EPM2A: variants seen among roughly 807,000 people sequenced by gnomAD.
EPM2A encodes laforin.
In EPM2A, 21 loss-of-function variants were observed where a neutral mutation model predicts 26.5. That is an observed-to-expected ratio of 0.79 (90% CI 0.56 to 1.14). The LOEUF is 1.14. Among genes scored for constraint, EPM2A ranks in the 50% most tolerant of loss-of-function variants. EPM2A has a pLI of 0.00. For missense variants in EPM2A, 458 were observed against 440.8 expected, an observed-to-expected ratio of 1.04 and a Z score of -0.35; for synonymous variants, 217 against 177.6, an observed-to-expected ratio of 1.22 and a Z score of -1.76.
At chr6:145,583,389 T>C (rs1287464056) in intron 2 of EPM2A, among the ~76,000 whole-genome samples, 1 of 152,178 alleles carries the variant, frequency 6.6e-6, no homozygotes, top group Non-Finnish European at 1.5e-5. Context: ...ATGGGTTCAG[T>C]CAACTGGCTT....
intron 1 of EPM2A, among the ~76,000 whole-genome samples, chr6:145,717,317 G>A (rs535540671): frequency 5.3e-5 from 8 of 152,200 alleles, no homozygotes; most frequent in Admixed American, 2.6e-4. Flanking sequence ...TTCAATATAC[G>A]CAAATCAGTA....
At chr6:145,725,292 T>A (rs182830286) in intron 1 of EPM2A, among the ~76,000 whole-genome samples, 104 of 152,168 alleles carry the variant, frequency 6.8e-4, no homozygotes, top group African/African-American at 2.4e-3. Flanking sequence ...ACTAACAACA[T>A]CGACACTGAT....
At chr6:145,689,977 C>A (rs1486761216) in intron 1 of EPM2A, among the ~76,000 whole-genome samples, 1 of 152,158 alleles carries the variant, frequency 6.6e-6, no homozygotes, top group Non-Finnish European at 1.5e-5. Context: ...CTCCTTCCCA[C>A]CCGACCATCA....
chr6:145,685,410 G>C (rs113111846), intron 2 of EPM2A, among the ~76,000 whole-genome samples: 2 of 152,266 alleles, frequency 1.3e-5, no homozygotes, highest in African/African-American at 4.8e-5. Context: ...GGAGTGGGGA[G>C]AGAGGACAAG....
chr6:145,690,353 A>G (rs1781197053), intron 1 of EPM2A, among the ~76,000 whole-genome samples: 1 of 151,638 alleles, frequency 6.6e-6, no homozygotes, highest in Non-Finnish European at 1.5e-5. Context: ...TACTAAAAAT[A>G]CAAAAAATTA....
Position 145,725,188 on chromosome 6 carries a change from T to A in EPM2A, c.301+10010A>T, listed in dbSNP as rs114944111. The stretch of plus-strand genomic sequence containing the variant: ...AATATATACAGATGGCAAATAAGTA[T>A]ATGAAACAATGCTCAATATCATTTA... On this transcript the variant is annotated intron_variant, in intron 1 of 3. Coordinates refer to ENST00000367519, the MANE Select transcript of EPM2A (RefSeq NM_005670.4). 4.9e-3 allele frequency among the ~76,000 whole-genome samples: 751 copies of A among 152,204 alleles called. 6 individuals are homozygous for A. Among genetic ancestry groups the A allele is most frequent in the African/African-American group, 0.015 (616 of 41,560 alleles).
chr6:145,422,708 T>TC (rs2114684979), intron 4 of EPM2A, among the ~76,000 whole-genome samples: 1 of 152,230 alleles, frequency 6.6e-6, no homozygotes, highest in South Asian at 2.1e-4. Context: ...TTGATTTTTT[T>TC]CTCAGTTTTA....
chr6:145,417,793 A>G (rs1778728962), intron 4 of EPM2A, among the ~76,000 whole-genome samples: 1 of 150,868 alleles, frequency 6.6e-6, no homozygotes, highest in South Asian at 2.2e-4. Context: ...TCGTGAATGC[A>G]GAAAGTCCTC....
chr6:145,558,845 G>T (rs1780767740), intron 2 of EPM2A, among the ~76,000 whole-genome samples: 1 of 152,040 alleles, frequency 6.6e-6, no homozygotes, highest in South Asian at 2.1e-4. Flanking sequence ...CAGAAGCAAA[G>T]CCTGTTGCTA....
intron 4 of EPM2A, among the ~76,000 whole-genome samples, chr6:145,496,510 G>T (rs1013806988): frequency 6.6e-6 from 1 of 152,182 alleles, no homozygotes; most frequent in South Asian, 2.1e-4. Flanking sequence ...TTTCTCAGAG[G>T]TTTTGTTCAT....
chr6:145,579,267 C>G (rs1036970290), intron 2 of EPM2A, among the ~76,000 whole-genome samples: 2 of 152,166 alleles, frequency 1.3e-5, no homozygotes, highest in Non-Finnish European at 2.9e-5. Context: ...CTTTCTTACT[C>G]AGTCCACTGA....
At chr6:145,544,037 G>T (rs189080854) in intron 2 of EPM2A, among the ~76,000 whole-genome samples, 1 of 152,260 alleles carries the variant, frequency 6.6e-6, no homozygotes, top group East Asian at 1.9e-4. Context: ...TAAAGCTTCT[G>T]GTCAGTCTCA....
At chr6:145,509,571 T>A (rs1242132856) in intron 2 of EPM2A, among the ~76,000 whole-genome samples, 1 of 152,122 alleles carries the variant, frequency 6.6e-6, no homozygotes, top group African/African-American at 2.4e-5. Flanking sequence ...ACTGGCCCTA[T>A]AAGAGATGCT....
chr6:145,715,574 C>A lies in EPM2A; in HGVS notation c.301+19624G>T, dbSNP rs556161258. ...TTCCTCCCTTAGGAATCAGGTCACA[C>A]AGCAGGAGGTAAGCAGGCGAGTGAG... On this transcript the variant is annotated intron_variant, in intron 1 of 3. Transcript: ENST00000367519. Among the ~76,000 whole-genome samples the A allele has an allele frequency of 4.6e-5, 7 of 152,324 alleles. No individual in the cohort carries two copies. In the South Asian group the frequency reaches 1.2e-3, roughly 27 times the overall value.
In EPM2A at chr6:145,732,236, T is replaced by TGTGTGTGTGTGTGTGC. The variant is rs374032616; in HGVS notation, c.301+2961_301+2962insGCACACACACACACAC. ...GTGTGTGTGTGTGTGTGTGTGTGTGTGCGCGCCAAAGTAAGGAAGGGAGAG... is the reference window on the plus strand; with the variant it reads ...GTGTGTGTGTGTGTGTGTGTGTGTGTGTGTGTGTGTGTGTGCGCGCGCCAAAGTAAGGAAGGGAGAG... On this transcript the variant is annotated intron_variant, in intron 1 of 3. Coordinates refer to ENST00000367519, the MANE Select transcript of EPM2A (RefSeq NM_005670.4). 6.8e-5 allele frequency among the ~76,000 whole-genome samples: 9 copies of TGTGTGTGTGTGTGTGC among 132,222 alleles called. No individual in the cohort carries two copies. The East Asian group carries it at 1.3e-3, about 19-fold the overall frequency. The allele number at this position is 132,222 out of a possible 152,430, so 86.7% of individuals were successfully genotyped here.
chr6:145,512,252 A>C (rs1246535474), intron 2 of EPM2A, among the ~76,000 whole-genome samples: 1 of 152,186 alleles, frequency 6.6e-6, no homozygotes, highest in South Asian at 2.1e-4. Context: ...AAAAAATCCT[A>C]AAGTATATAT....
At chr6:145,639,639 C>G (rs1200484627) in intron 2 of EPM2A, 1 of 152,132 alleles carries the variant, frequency 6.6e-6, no homozygotes, top group Non-Finnish European at 1.5e-5. Context: ...CTTCCTCAGT[C>G]TGACATATCT....
chr6:145,656,283 C>T (rs1038673645), intron 2 of EPM2A, among the ~76,000 whole-genome samples: 3 of 152,144 alleles, frequency 2.0e-5, no homozygotes, highest in African/African-American at 4.8e-5. Flanking sequence ...ATACTGGAGA[C>T]ATGGAAGGAG....
intron 2 of EPM2A, among the ~76,000 whole-genome samples, chr6:145,642,741 A>C (rs926905598): frequency 6.6e-6 from 1 of 152,204 alleles, no homozygotes; most frequent in African/African-American, 2.4e-5. Flanking sequence ...GTCCTTTTTA[A>C]AGCGAGAGTC....
Sources: allele counts gnomAD v4.1 joint callset (sites outside exome capture counted in the v4.1 genomes callset), GRCh38; gene constraint gnomAD v4.1.1; transcripts MANE v1.5; gene names NCBI Gene and HGNC (gene_info 2026-07-23, HGNC 2026-07-21).